Variants in HIVEP3 observed in about 807,000 individuals in gnomAD.
The protein encoded by HIVEP3 is transcription factor HIVEP3.
Under a neutral mutation model 152.8 loss-of-function variants are expected in HIVEP3, and 49 were observed. The observed-to-expected ratio is 0.32, with a 90% CI of 0.26 to 0.41. HIVEP3 has a LOEUF of 0.41. HIVEP3 is among the 10% of genes least tolerant of loss of function. The probability of loss-of-function intolerance (pLI) is 1.00; values close to 1 mark genes in which losing one functional copy is unlikely to be tolerated. For missense variants in HIVEP3, 2,790 were observed against 3,103.3 expected (o/e 0.90, Z 2.40); for synonymous variants, 1,269 against 1,289.0 (o/e 0.98, Z 0.33).
intron 1 of HIVEP3, among the ~76,000 whole-genome samples, chr1:42,018,441 G>T (rs1232530085): frequency 6.6e-6 from 1 of 151,586 alleles, no homozygotes; most frequent in Non-Finnish European, 1.5e-5. Flanking sequence ...TTCCCGTATG[G>T]ATACTAAATT....
Position 41,527,710 on chromosome 1 carries a change from C to T in HIVEP3, c.5208-2800G>A, listed in dbSNP as rs111203971. 1.3e-4 allele frequency among the ~76,000 whole-genome samples: 19 copies of T among 146,428 alleles called. 1 individual carries two copies. The highest frequency in any genetic ancestry group is 4.8e-4 in the African/African-American group (19 of 39,232). On this transcript the variant is annotated intron_variant, in intron 5 of 8. Coordinates refer to ENST00000372583, the MANE Select transcript of HIVEP3 (RefSeq NM_024503.5). ...CATGCTCACCCTCACACACCCCCAC[C>T]CTCACATGCTCACCCTCACACATGC...
intron 1 of HIVEP3, among the ~76,000 whole-genome samples, chr1:41,902,472 C>A (rs1055142357): frequency 4.6e-5 from 7 of 152,172 alleles, no homozygotes; most frequent in Non-Finnish European, 8.8e-5. Context: ...CCCCACCCCC[C>A]ACTGCCAGGG....
intron 5 of HIVEP3, among the ~76,000 whole-genome samples, chr1:41,564,883 AGTGG>A (rs1216522221): frequency 2.0e-5 from 3 of 152,118 alleles, no homozygotes; most frequent in African/African-American, 7.2e-5. Context: ...GACCTCCGGG[AGTGG>A]GTGGAGGGAG....
chr1:42,032,349 C>A (rs146462102), intron 1 of HIVEP3, among the ~76,000 whole-genome samples: 1 of 152,302 alleles, frequency 6.6e-6, no homozygotes, highest in East Asian at 1.9e-4. Context: ...AGGAAGAATA[C>A]CCGATTCCCA....
intron 1 of HIVEP3, among the ~76,000 whole-genome samples, chr1:41,852,077 T>C (rs1570668367): frequency 6.6e-6 from 1 of 152,260 alleles, no homozygotes; most frequent in African/African-American, 2.4e-5. Flanking sequence ...TAAATGATTA[T>C]TGATAAGACC....
intron 1 of HIVEP3, among the ~76,000 whole-genome samples, chr1:41,972,942 T>C (rs997875403): frequency 3.3e-5 from 5 of 152,252 alleles, no homozygotes; most frequent in Admixed American, 2.6e-4. Flanking sequence ...CATTATTATA[T>C]AATGCAAGTC....
At chr1:41,514,090 A>C in intron 7 of HIVEP3, among the ~76,000 whole-genome samples, 1 of 152,186 alleles carries the variant, frequency 6.6e-6, no homozygotes, top group Non-Finnish European at 1.5e-5. Context: ...AAAGTAAGTA[A>C]CTTGCCCATG....
At chr1:41,963,012 T>A (rs774823873) in intron 1 of HIVEP3, among the ~76,000 whole-genome samples, 26 of 152,170 alleles carry the variant, frequency 1.7e-4, no homozygotes, top group Non-Finnish European at 3.7e-4. Context: ...GTTGTTTTTT[T>A]TTGTTTTTTG....
chr1:41,991,360 C>T (rs988149228), intron 1 of HIVEP3, among the ~76,000 whole-genome samples: 10 of 151,316 alleles, frequency 6.6e-5, no homozygotes, highest in Non-Finnish European at 1.3e-4. Flanking sequence ...TCAGAGAATA[C>T]TACAAACACC....
At chr1:41,960,017 G>A (rs1259693314) in intron 1 of HIVEP3, among the ~76,000 whole-genome samples, 1 of 152,024 alleles carries the variant, frequency 6.6e-6, no homozygotes. Context: ...GACCCACTAG[G>A]GTATCTCCTG....
Position 41,918,876 on chromosome 1 carries a change from A to G in HIVEP3, c.-1264T>C, listed in dbSNP as rs1259924287. 1.3e-5 allele frequency among the ~76,000 whole-genome samples: 2 copies of G among 152,224 alleles called. No homozygotes were observed. The highest frequency in any genetic ancestry group is 1.3e-4 in the Admixed American group (2 of 15,282). On this transcript the variant is annotated 5_prime_UTR_variant, in exon 1 of 9. Transcript: ENST00000372583. This position sits in a 1 kb window ranked among gnomAD's most constrained non-coding sequence, Gnocchi z 4.3. ...TAATCAGCAGCTGTTTTCTGAATCC[A>G]GAGCCAACCCATGCCTCGCTTGTCT...
At chr1:41,579,698 G>A (rs545645731) in intron 4 of HIVEP3, 39 bp downstream of exon 4, 2 of 1,513,110 alleles carry the variant, frequency 1.3e-6, no homozygotes, top group African/African-American at 2.8e-5. Flanking sequence ...AAGTGCTTTT[G>A]CAAATCAGTG....
intron 5 of HIVEP3, among the ~76,000 whole-genome samples, chr1:41,562,532 CCCTT>C (rs60530597): frequency 0.31 from 43,561 of 141,682 alleles, 7,456 homozygotes; most frequent in Non-Finnish European, 0.41. Context: ...CCCTTCCCTT[CCCTT>C]CCTTCCTTCC....
intron 3 of HIVEP3, among the ~76,000 whole-genome samples, chr1:41,598,554 G>C (rs1206992817): frequency 6.6e-6 from 1 of 152,142 alleles, no homozygotes; most frequent in Non-Finnish European, 1.5e-5. Context: ...AGATATAACT[G>C]TATAGTAATG....
intron 1 of HIVEP3, among the ~76,000 whole-genome samples, chr1:41,892,873 A>G (rs911824462): frequency 2.0e-5 from 3 of 152,150 alleles, no homozygotes; most frequent in Non-Finnish European, 2.9e-5. Flanking sequence ...TAATCCCAGA[A>G]CTTTGGGAGG....
chr1:41,889,294 T>C (rs569695605), intron 1 of HIVEP3, among the ~76,000 whole-genome samples: 9 of 152,256 alleles, frequency 5.9e-5, no homozygotes, highest in African/African-American at 1.7e-4. Flanking sequence ...GTGCTTTGCA[T>C]TCCAAGTCTT....
At chr1:41,744,047 G>T (rs1647034046) in intron 1 of HIVEP3, among the ~76,000 whole-genome samples, 1 of 148,562 alleles carries the variant, frequency 6.7e-6, no homozygotes, top group Non-Finnish European at 1.5e-5. Flanking sequence ...GCATTTTTTT[G>T]TTTTTTTTTT....
intron 1 of HIVEP3, among the ~76,000 whole-genome samples, chr1:41,880,546 T>C (rs1056534855): frequency 1.3e-5 from 2 of 152,206 alleles, no homozygotes; most frequent in Admixed American, 6.5e-5. Flanking sequence ...TACATTTCCA[T>C]GTCACCTTCA....
Position 41,513,221 on chromosome 1 carries a change from G to A in HIVEP3, c.6000C>T (p.Ala2000=). ...TTGGGGCTGAGGCCTGTGGTTCTCG[G>A]GCCGGGGAGCATCGCTGGGGAGATG... ...NDSSPQRCSP[A]REPQASAPSP... The change falls in exon 8 of 9, where the codon GCC becomes GCT. Residue 2000 remains alanine, a synonymous_variant. Coordinates refer to ENST00000372583, the MANE Select transcript of HIVEP3 (RefSeq NM_024503.5). 8 of 1,613,760 alleles carry A rather than the reference G, an allele frequency of 5.0e-6. No individual in the cohort carries two copies. Among genetic ancestry groups the A allele is most frequent in the Non-Finnish European group, 6.8e-6 (8 of 1,179,934 alleles).
Sources: gnomAD v4.1 joint callset for allele counts (sites outside exome capture counted in the v4.1 genomes callset) on GRCh38, gnomAD v4.1.1 for gene constraint, Gnocchi (gnomAD v3.1) non-coding constraint, MANE v1.5 for transcripts, NCBI Gene and HGNC (gene_info 2026-07-23, HGNC 2026-07-21) for gene names.